The following GLI2 variants were observed in gnomAD, a reference collection of about 807,000 sequenced individuals.
GLI2 encodes transcription activator GLI2.
GLI2 carries 22 observed loss-of-function variants against 78.9 expected under a neutral mutation model. The observed-to-expected ratio is 0.28, with a 90% CI of 0.20 to 0.40. The LOEUF (loss-of-function observed/expected upper bound fraction) is 0.40. Among genes scored for constraint, GLI2 ranks in the 10% least tolerant of loss-of-function variants. The pLI, the probability that GLI2 is intolerant of heterozygous loss-of-function variation, is 1.00. For missense variants in GLI2, 2,097 were observed against 2,213.2 expected, an observed-to-expected ratio of 0.95 and a Z score of 1.05; for synonymous variants, 974 against 963.7, an observed-to-expected ratio of 1.01 and a Z score of -0.20.
chr2:120,754,846 C>G (rs1016592706), intron 1 of GLI2, among the ~76,000 whole-genome samples: 3 of 143,634 alleles, frequency 2.1e-5, no homozygotes, highest in African/African-American at 7.7e-5. Flanking sequence ...TATATTTAAC[C>G]ATTTTTTCTT....
At chr2:120,877,505 C>G (rs1374985257) in intron 2 of GLI2, among the ~76,000 whole-genome samples, 1 of 152,156 alleles carries the variant, frequency 6.6e-6, no homozygotes, top group Non-Finnish European at 1.5e-5. Context: ...CCGAAGCCCC[C>G]CTGTGCCCAC....
chr2:120,900,138 G>C lies in GLI2; in HGVS notation c.149-27223G>C, dbSNP rs188145993. 9.2e-5 allele frequency among the ~76,000 whole-genome samples: 14 copies of C among 152,320 alleles called. No homozygotes were observed. In the East Asian group the frequency reaches 2.7e-3, roughly 29 times the overall value. On this transcript the variant is annotated intron_variant, in intron 2 of 13. Transcript: ENST00000361492. The stretch of plus-strand genomic sequence containing the variant: ...CAGAATCTCCTGGGGGTGGGAGGGT[G>C]GTTACAAAATGAGGCCCCAGCTTGT...
intron 2 of GLI2, among the ~76,000 whole-genome samples, chr2:120,832,090 T>C (rs987712650): frequency 6.6e-6 from 1 of 152,124 alleles, no homozygotes; most frequent in African/African-American, 2.4e-5. Flanking sequence ...TCAGTGTGGA[T>C]TGGGGCCCCA....
intron 4 of GLI2, among the ~76,000 whole-genome samples, chr2:120,953,745 C>A (rs762399559): frequency 6.6e-6 from 1 of 152,058 alleles, no homozygotes; most frequent in African/African-American, 2.4e-5. Flanking sequence ...ATTGGATTTT[C>A]GGAGGCCAGG....
rs1208801297 is a variant in GLI2, at chr2:120,755,627, G to A, written c.-31+19342G>A. ...GTCAAATTTTTCTTGTATATATCAT[G>A]CATTTGGAATTTCATCTAAGAAATA... On this transcript the variant is annotated intron_variant, in intron 1 of 13. Transcript: ENST00000361492. Among the ~76,000 whole-genome samples the A allele has an allele frequency of 5.3e-5, 8 of 151,962 alleles. No individual in the cohort carries two copies. The East Asian group carries it at 1.5e-3, about 29-fold the overall frequency.
rs542127243 is a variant in GLI2 at position 120,985,506 on chromosome 2, C to T, written c.1905+763C>T. 9.2e-5 allele frequency among the ~76,000 whole-genome samples: 14 copies of T among 152,276 alleles called. No individual in the cohort carries two copies. In the South Asian group the frequency reaches 2.9e-3, roughly 32 times the overall value. ...GGGTCAAACAGAAAAATGTGGGTGG[C>T]GCCATGGACAACACCTAGAAGGTCC... On this transcript the variant is annotated intron_variant, in intron 12 of 13. Coordinates refer to ENST00000361492, the MANE Select transcript of GLI2 (RefSeq NM_001374353.1).
At chr2:120,829,456 C>T (rs1432202939) in intron 2 of GLI2, among the ~76,000 whole-genome samples, 1 of 152,154 alleles carries the variant, frequency 6.6e-6, no homozygotes, top group Non-Finnish European at 1.5e-5. Flanking sequence ...CCAGCCCAGC[C>T]ACTTAACAGC....
chr2:120,788,734 C>A, intron 1 of GLI2, among the ~76,000 whole-genome samples: 1 of 152,142 alleles, frequency 6.6e-6, no homozygotes, highest in South Asian at 2.1e-4. Flanking sequence ...ATTCAAGGAG[C>A]GATAAAGAAG....
intron 1 of GLI2, among the ~76,000 whole-genome samples, chr2:120,739,352 G>A (rs76725233): frequency 0.012 from 1,833 of 152,298 alleles, 36 homozygotes; most frequent in African/African-American, 0.042. Context: ...GGGAGTAGGA[G>A]GTTGTCATGT....
At chr2:120,874,182 C>T (rs567497042) in intron 2 of GLI2, among the ~76,000 whole-genome samples, 7 of 152,258 alleles carry the variant, frequency 4.6e-5, no homozygotes, top group South Asian at 2.1e-4. Flanking sequence ...CAACAGAGCC[C>T]GGTCTGTGCG....
At chr2:120,747,580 CACA>C (rs1682730943) in intron 1 of GLI2, among the ~76,000 whole-genome samples, 1 of 152,182 alleles carries the variant, frequency 6.6e-6, no homozygotes, top group South Asian at 2.1e-4. Flanking sequence ...TTTTGGTTGT[CACA>C]ACAAGGGGAA....
At chr2:120,830,637 C>T (rs532580134) in intron 2 of GLI2, among the ~76,000 whole-genome samples, 2 of 152,288 alleles carry the variant, frequency 1.3e-5, no homozygotes, top group Admixed American at 1.3e-4. Flanking sequence ...GTTGGGGCTC[C>T]AGCAGGGCAG....
chr2:120,837,822 T>A (rs1558825455), intron 2 of GLI2, among the ~76,000 whole-genome samples: 1 of 152,238 alleles, frequency 6.6e-6, no homozygotes, highest in Non-Finnish European at 1.5e-5. Context: ...GTAGCTCTGT[T>A]TCCGGGCTCC....
Position 120,989,506 on chromosome 2 carries a change from C to G in GLI2, c.3541C>G (p.Leu1181Val). 1 of 1,612,064 alleles carries G rather than the reference C, an allele frequency of 6.2e-7. No homozygotes were observed. Among genetic ancestry groups the G allele is most frequent in the Non-Finnish European group, 8.5e-7 (1 of 1,179,666 alleles). The change falls in exon 14 of 14, where the codon CTG becomes GTG. Residue 1181 changes from leucine to valine, a missense_variant. By Grantham distance (32) the Leu-to-Val change is conservative. Coordinates refer to ENST00000361492, the MANE Select transcript of GLI2 (RefSeq NM_001374353.1). ...AGGCCTACAGGCTAGCCCTGGGGGC[C>G]TGGACAGCACGCAGCCACACCTGCA... ...PQGLQASPGG[L>V]DSTQPHLQPR...
chr2:120,942,007 C>A (rs1040741051), intron 3 of GLI2, among the ~76,000 whole-genome samples: 3 of 152,218 alleles, frequency 2.0e-5, no homozygotes, highest in Non-Finnish European at 4.4e-5. Flanking sequence ...CCCTGCCAGC[C>A]TGCCTCAAAG....
intron 2 of GLI2, among the ~76,000 whole-genome samples, chr2:120,817,297 C>A (rs1472081868): frequency 6.6e-6 from 1 of 152,200 alleles, no homozygotes; most frequent in Non-Finnish European, 1.5e-5. Flanking sequence ...CCCACTGCCT[C>A]CGTGGGGTCT....
intron 2 of GLI2, among the ~76,000 whole-genome samples, chr2:120,916,531 G>A (rs569936924): frequency 1.1e-3 from 170 of 152,368 alleles, no homozygotes; most frequent in Non-Finnish European, 1.5e-3. Flanking sequence ...GTGCTGCGTG[G>A]GCCTCGCTGA....
chr2:120,983,959 G>A (rs1402267741), intron 11 of GLI2, among the ~76,000 whole-genome samples: 6 of 151,644 alleles, frequency 4.0e-5, no homozygotes, highest in African/African-American at 1.5e-4. Flanking sequence ...GTGTGTGTGT[G>A]TGTGTGTGTG....
At chr2:120,750,096 C>G (rs771661378) in intron 1 of GLI2, among the ~76,000 whole-genome samples, 3 of 152,250 alleles carry the variant, frequency 2.0e-5, no homozygotes, top group Non-Finnish European at 4.4e-5. Context: ...GAGGGCAGGG[C>G]GCAGGCTTTG....
Sources: allele counts gnomAD v4.1 joint callset (sites outside exome capture counted in the v4.1 genomes callset), GRCh38; gene constraint gnomAD v4.1.1; transcripts MANE v1.5; gene names NCBI Gene and HGNC (gene_info 2026-07-23, HGNC 2026-07-21).